TBC1D22B: variants seen among roughly 807,000 people sequenced by gnomAD.
The protein encoded by TBC1D22B is chromosome 6 open reading frame 197.
In TBC1D22B, 32 loss-of-function variants were observed where a neutral mutation model predicts 69.1. The ratio of observed to expected loss-of-function variants is 0.46; its 90% CI spans 0.35 to 0.62. TBC1D22B has a LOEUF of 0.62. Ranked by LOEUF, TBC1D22B falls within the 20% of genes least tolerant of loss-of-function variation. The probability of loss-of-function intolerance (pLI) is 0.00; values close to 1 mark genes in which losing one functional copy is unlikely to be tolerated. For missense variants in TBC1D22B, 462 were observed against 630.9 expected, an observed-to-expected ratio of 0.73 and a Z score of 2.87; for synonymous variants, 206 against 229.8, an observed-to-expected ratio of 0.90 and a Z score of 0.94.
At chr6:37,283,830 A>G (rs1043253409) in intron 5 of TBC1D22B, among the ~76,000 whole-genome samples, 1 of 152,218 alleles carries the variant, frequency 6.6e-6, no homozygotes, top group African/African-American at 2.4e-5. Context: ...GCTGTATGTC[A>G]CAGATTCCAT....
chr6:37,283,064 G>T, intron 5 of TBC1D22B, 112 bp downstream of exon 5: 1 of 812,630 alleles, frequency 1.2e-6, no homozygotes, highest in Non-Finnish European at 2.0e-6. Context: ...TAGTCCTACT[G>T]GATATGACAG....
intron 10 of TBC1D22B, 105 bp from the exon 11 acceptor site, chr6:37,316,598 C>T: frequency 4.5e-6 from 6 of 1,336,752 alleles, no homozygotes; most frequent in Non-Finnish European, 5.3e-6. Context: ...TGTCTGCTTA[C>T]CCATGGGAGG....
intron 7 of TBC1D22B, among the ~76,000 whole-genome samples, chr6:37,290,392 G>A (rs1055600889): frequency 3.9e-5 from 6 of 152,184 alleles, no homozygotes; most frequent in African/African-American, 1.4e-4. Context: ...GATGAAACCA[G>A]GCAATGGGTA....
Position 37,284,439 on chromosome 6 carries a change from A to C in TBC1D22B, c.776A>C (p.Glu259Ala). Residue 259 changes from glutamate (E) to alanine (A), a missense_variant, in exon 6 of 13, where the codon GAA (glutamate) becomes GCA (alanine). Around this residue, in one of 2 missense-constraint regions of TBC1D22B, gnomAD observed 225 missense variants for 375.4 expected, o/e 0.60. Coordinates refer to ENST00000373491, the MANE Select transcript of TBC1D22B (RefSeq NM_017772.4). ...CAGTATTATGACTCTCGAAACGAGG[A>C]ACATCACCAGGATACCTACAGACAG... Reference protein sequence around the residue: ...IEQYYDSRNEEHHQDTYRQIH... With the variant: ...IEQYYDSRNEAHHQDTYRQIH... 10 of 1,597,124 alleles carry C rather than the reference A, an allele frequency of 6.3e-6. No homozygotes were observed. Among genetic ancestry groups the C allele is most frequent in the Non-Finnish European group, 8.5e-6 (10 of 1,172,954 alleles).
chr6:37,266,230 G>C (rs149423139), intron 1 of TBC1D22B, among the ~76,000 whole-genome samples: 121 of 152,198 alleles, frequency 8.0e-4, no homozygotes, highest in Non-Finnish European at 1.5e-3. Flanking sequence ...AAGTCTCTTT[G>C]GTGTCCCATC....
At chr6:37,294,300 G>C (rs1174725805) in intron 8 of TBC1D22B, among the ~76,000 whole-genome samples, 2 of 152,086 alleles carry the variant, frequency 1.3e-5, no homozygotes, top group Non-Finnish European at 2.9e-5. Context: ...CGAGTAGCTA[G>C]AACTGCAGAT....
intron 12 of TBC1D22B, among the ~76,000 whole-genome samples, chr6:37,320,506 G>A (rs73423617): frequency 0.032 from 4,892 of 152,152 alleles, 243 homozygotes; most frequent in African/African-American, 0.11. Context: ...GTGTATTCAC[G>A]AGTCCTGGAA....
At chr6:37,258,155 C>G in intron 1 of TBC1D22B, 182 bp downstream of exon 1, 1 of 655,296 alleles carries the variant, frequency 1.5e-6, no homozygotes, top group Non-Finnish European at 2.5e-6. Flanking sequence ...TTGGGGACGG[C>G]TGGATGTGGG....
intron 3 of TBC1D22B, among the ~76,000 whole-genome samples, chr6:37,280,319 G>A (rs1167597860): frequency 6.6e-6 from 1 of 152,180 alleles, no homozygotes; most frequent in African/African-American, 2.4e-5. Context: ...AGCTGGAGAG[G>A]GAAGCTTTGT....
intron 8 of TBC1D22B, among the ~76,000 whole-genome samples, 196 bp from the exon 9 acceptor site, chr6:37,312,722 A>G (rs1346022822): frequency 6.6e-6 from 1 of 152,234 alleles, no homozygotes; most frequent in African/African-American, 2.4e-5. Context: ...TGAGATCTTC[A>G]AGAACAAATA....
At chr6:37,267,884 C>T (rs1018452253) in intron 1 of TBC1D22B, among the ~76,000 whole-genome samples, 4 of 152,174 alleles carry the variant, frequency 2.6e-5, no homozygotes, top group Admixed American at 6.5e-5. Context: ...CTTTAAATAT[C>T]TTCTGAGCCC....
intron 12 of TBC1D22B, among the ~76,000 whole-genome samples, chr6:37,320,036 C>T (rs941339517): frequency 3.3e-5 from 5 of 152,098 alleles, no homozygotes; most frequent in South Asian, 2.1e-4. Context: ...CTAAAAGCCA[C>T]GTTAAGTGAC....
chr6:37,316,910 G>C (rs1768100783), intron 11 of TBC1D22B, 80 bp downstream of exon 11: 7 of 1,594,576 alleles, frequency 4.4e-6, no homozygotes, highest in Non-Finnish European at 6.0e-6. Flanking sequence ...GAATGTAGCT[G>C]CTTAGAAGCT....
chr6:37,317,009 C>T lies in TBC1D22B; in HGVS notation c.1294-102C>T, dbSNP rs1581629132. ...CTCTTCAGAACTCCATCTCCCCAAC[C>T]GTGAAAGAGTTTCCCACCTCCCAGA... On this transcript the variant is annotated intron_variant, in intron 11 of 12. Transcript: ENST00000373491. The T allele has an allele frequency of 1.4e-5, 20 of 1,458,318 alleles. No individual in the cohort carries two copies. In the South Asian group the frequency reaches 1.7e-4, roughly 13 times the overall value. 90.3% of individuals were successfully genotyped at this position (1,458,318 alleles called of 1,614,324 possible).
intron 10 of TBC1D22B, among the ~76,000 whole-genome samples, chr6:37,314,726 A>T (rs894772291): frequency 2.0e-5 from 3 of 151,992 alleles, no homozygotes; most frequent in Non-Finnish European, 2.9e-5. Flanking sequence ...TTTCCTACTC[A>T]TTGGATTTTC....
At chr6:37,314,525 A>G (rs1286189216) in intron 10 of TBC1D22B, among the ~76,000 whole-genome samples, 1 of 152,174 alleles carries the variant, frequency 6.6e-6, no homozygotes, top group Non-Finnish European at 1.5e-5. Context: ...CCTTACAGGA[A>G]TTCCTCAGCT....
chr6:37,259,983 T>C (rs1019188001), intron 1 of TBC1D22B, among the ~76,000 whole-genome samples: 3 of 152,220 alleles, frequency 2.0e-5, no homozygotes, highest in African/African-American at 7.2e-5. Flanking sequence ...ACTCAGATCC[T>C]TACCCCAGCT....
rs563711711 is a variant in TBC1D22B, at chr6:37,316,875, G to A, written c.1293+45G>A. 7 of 1,612,666 alleles carry A rather than the reference G, an allele frequency of 4.3e-6. No homozygotes were observed. In the East Asian group the frequency reaches 6.7e-5, roughly 15 times the overall value. On this transcript the variant is annotated intron_variant, in intron 11 of 12. Coordinates refer to ENST00000373491, the MANE Select transcript of TBC1D22B (RefSeq NM_017772.4). Reference sequence around the variant, plus strand: ...CTCTCTGTGCCAGGCTGTCTCTGAGGTGTCCAGCTCTCTGCCATGTTGTGG... The same window carrying A: ...CTCTCTGTGCCAGGCTGTCTCTGAGATGTCCAGCTCTCTGCCATGTTGTGG...
chr6:37,329,289 CTTCT>C (rs1210420361), intron 12 of TBC1D22B, among the ~76,000 whole-genome samples: 1 of 152,094 alleles, frequency 6.6e-6, no homozygotes, highest in African/African-American at 2.4e-5. Flanking sequence ...TCCAAAATGT[CTTCT>C]TTATCTTCAT....
Sources: gnomAD v4.1 joint callset for allele counts (sites outside exome capture counted in the v4.1 genomes callset) on GRCh38, gnomAD v4.1.1 for gene constraint, gnomAD v4.1.1 regional missense constraint, MANE v1.5 for transcripts, NCBI Gene and HGNC (gene_info 2026-07-23, HGNC 2026-07-21) for gene names.